AKAP19: variants seen among roughly 807,000 people sequenced by gnomAD.
AKAP19 encodes small A-kinase anchoring protein.
the AKAP19 span, among the ~76,000 whole-genome samples, chr2:189,978,265 C>A: frequency 5.9e-5 from 9 of 152,058 alleles, no homozygotes; most frequent in African/African-American, 2.2e-4. Context: ...TTTTGGAGTC[C>A]CCTGTTTTTA....
the AKAP19 span, among the ~76,000 whole-genome samples, chr2:190,135,130 C>T: frequency 3.9e-5 from 6 of 152,120 alleles, no homozygotes; most frequent in Admixed American, 1.3e-4. Flanking sequence ...TTATCTATTT[C>T]GGCATGAATA....
chr2:190,189,001 T>A, the AKAP19 span, among the ~76,000 whole-genome samples: 1 of 152,178 alleles, frequency 6.6e-6, no homozygotes, highest in Non-Finnish European at 1.5e-5. Flanking sequence ...CCTAATTACA[T>A]GAATATATCA....
chr2:190,145,537 A>G, the AKAP19 span, among the ~76,000 whole-genome samples: 3 of 152,214 alleles, frequency 2.0e-5, no homozygotes, highest in Admixed American at 2.0e-4. Context: ...TGGCCATCCC[A>G]TAAGATTATA....
the AKAP19 span, among the ~76,000 whole-genome samples, chr2:189,939,469 C>G: frequency 1.3e-5 from 2 of 151,982 alleles, no homozygotes; most frequent in African/African-American, 2.4e-5. Context: ...CTAATAAAAA[C>G]CAAAACATGC....
the AKAP19 span, among the ~76,000 whole-genome samples, chr2:190,090,518 C>T: frequency 6.6e-6 from 1 of 152,214 alleles, no homozygotes; most frequent in Non-Finnish European, 1.5e-5. Flanking sequence ...TGAGTCTCCT[C>T]TCCAGACTTC....
chr2:190,067,032 T>C, the AKAP19 span, among the ~76,000 whole-genome samples: 1 of 152,284 alleles, frequency 6.6e-6, no homozygotes, highest in African/African-American at 2.4e-5. Flanking sequence ...ATTCTCAAAA[T>C]TTTGGGTCTC....
chr2:189,998,783 T>TC, the AKAP19 span, among the ~76,000 whole-genome samples: 6 of 143,456 alleles, frequency 4.2e-5, no homozygotes, highest in Admixed American at 2.8e-4. Context: ...TTTTTTTTTT[T>TC]TTTTTTTGAT....
chr2:189,917,223 AC>A, the AKAP19 span: 1 of 1,031,218 alleles, frequency 9.7e-7, no homozygotes, highest in Admixed American at 2.6e-5. Context: ...AAAATACTTA[AC>A]TGTCCTTTCA....
chr2:190,058,966 C>G, the AKAP19 span, among the ~76,000 whole-genome samples: 1 of 151,414 alleles, frequency 6.6e-6, no homozygotes, highest in Non-Finnish European at 1.5e-5. Flanking sequence ...CACTTGTACC[C>G]CCCAACATAT....
the AKAP19 span, among the ~76,000 whole-genome samples, chr2:190,050,335 G>C: frequency 6.6e-6 from 1 of 152,156 alleles, no homozygotes; most frequent in Non-Finnish European, 1.5e-5. Context: ...CTTTCAGTTT[G>C]TTTACTTAAT....
the AKAP19 span, among the ~76,000 whole-genome samples, chr2:190,005,178 T>C: frequency 3.3e-5 from 5 of 152,138 alleles, no homozygotes; most frequent in South Asian, 2.1e-4. Flanking sequence ...AGCAGCAAGA[T>C]TTATTGTGAA....
the AKAP19 span, chr2:189,917,570 G>T: frequency 2.0e-3 from 951 of 480,052 alleles, 9 homozygotes; most frequent in African/African-American, 0.017. Context: ...TCTTATTAAG[G>T]TCTTATTGCT....
At chr2:189,987,050 C>CAGAA in the AKAP19 span, among the ~76,000 whole-genome samples, 8 of 152,130 alleles carry the variant, frequency 5.3e-5, no homozygotes, top group Non-Finnish European at 1.2e-4. Context: ...AGGAAATGAA[C>CAGAA]AGAAGCCTAC....
At chr2:190,061,887 G>A in the AKAP19 span, among the ~76,000 whole-genome samples, 1 of 151,462 alleles carries the variant, frequency 6.6e-6, no homozygotes, top group African/African-American at 2.4e-5. Context: ...AAAATCTAAT[G>A]TAAGTTTTAA....
the AKAP19 span, among the ~76,000 whole-genome samples, chr2:190,191,574 T>A: frequency 1.3e-5 from 2 of 152,232 alleles, no homozygotes; most frequent in African/African-American, 4.8e-5. Flanking sequence ...CCAGAGGCCA[T>A]GTCATTTTGC....
the AKAP19 span, among the ~76,000 whole-genome samples, chr2:190,118,298 G>A: frequency 6.6e-6 from 1 of 152,006 alleles, no homozygotes; most frequent in Admixed American, 6.6e-5. Context: ...ACAAGGAGGA[G>A]CTGGTACCAT....
chr2:190,115,137 A>G, the AKAP19 span, among the ~76,000 whole-genome samples: 2 of 129,490 alleles, frequency 1.5e-5, no homozygotes, highest in Non-Finnish European at 3.4e-5. Flanking sequence ...GAGAGAGAGA[A>G]AGAGTGTGTG....
chr2:190,157,913 C>T, the AKAP19 span, among the ~76,000 whole-genome samples: 1 of 152,146 alleles, frequency 6.6e-6, no homozygotes, highest in African/African-American at 2.4e-5. Flanking sequence ...AAGAAAAAAA[C>T]AAGGAAGTGA....
chr2:190,124,824 T>C, the AKAP19 span, among the ~76,000 whole-genome samples: 2 of 152,172 alleles, frequency 1.3e-5, no homozygotes. Flanking sequence ...TACAAAAATA[T>C]TTTTTCTTTA....
Sources: gnomAD v4.1 joint callset for allele counts (sites outside exome capture counted in the v4.1 genomes callset) on GRCh38, gnomAD v4.1.1 for gene constraint, MANE v1.5 for transcripts, NCBI Gene and HGNC (gene_info 2026-07-23, HGNC 2026-07-21) for gene names.